DIDO1: variants seen among roughly 807,000 people sequenced by gnomAD.
The protein encoded by DIDO1 is death inducer-obliterator 1, also known as death-inducer obliterator 1.
DIDO1 carries 16 observed loss-of-function variants against 99.4 expected under a neutral mutation model. The observed-to-expected ratio is 0.16, with a 90% CI of 0.11 to 0.24. The LOEUF (loss-of-function observed/expected upper bound fraction) is 0.24, where lower values mean the gene tolerates loss of function less well. Among genes scored for constraint, DIDO1 ranks in the 10% least tolerant of loss-of-function variants. The probability of loss-of-function intolerance (pLI) is 1.00; values close to 1 mark genes in which losing one functional copy is unlikely to be tolerated. For missense variants in DIDO1, 2,996 were observed against 3,014.0 expected (o/e 0.99, Z 0.14); for synonymous variants, 1,366 against 1,239.1 (o/e 1.10, Z -2.15).
At chr20:62,926,005 G>A (rs1020362511) in intron 1 of DIDO1, among the ~76,000 whole-genome samples, 1 of 152,070 alleles carries the variant, frequency 6.6e-6, no homozygotes, top group Non-Finnish European at 1.5e-5. Flanking sequence ...AAGCGCCGAG[G>A]TCCCCGAGAA....
At chr20:62,899,697 C>A (rs568138430) in intron 6 of DIDO1, among the ~76,000 whole-genome samples, 1 of 152,222 alleles carries the variant, frequency 6.6e-6, no homozygotes, top group Non-Finnish European at 1.5e-5. Flanking sequence ...CCTTTGTCAT[C>A]CCTCATCTGT....
intron 1 of DIDO1, among the ~76,000 whole-genome samples, chr20:62,918,420 CCA>C (rs1447968180): frequency 6.6e-6 from 1 of 152,234 alleles, no homozygotes; most frequent in Non-Finnish European, 1.5e-5. Flanking sequence ...CTGGCGTGAG[CCA>C]CAGTGCCCAG....
chr20:62,891,181 CAT>C (rs2147387734), intron 14 of DIDO1, 26 bp from the exon 15 acceptor site: 1 of 1,612,562 alleles, frequency 6.2e-7, no homozygotes, highest in South Asian at 1.1e-5. Flanking sequence ...GGGAAGCACT[CAT>C]AAAGAAAATG....
intron 15 of DIDO1, 86 bp downstream of exon 15, chr20:62,890,874 T>C: frequency 6.2e-7 from 1 of 1,609,680 alleles, no homozygotes; most frequent in Non-Finnish European, 8.5e-7. Flanking sequence ...AGCCCTGGGC[T>C]GGTCAGGACT....
At chr20:62,917,736 AG>A (rs1478863614) in intron 1 of DIDO1, among the ~76,000 whole-genome samples, 5 of 152,226 alleles carry the variant, frequency 3.3e-5, no homozygotes, top group Non-Finnish European at 7.3e-5. Flanking sequence ...CTGCATCATC[AG>A]GGACATTATT....
At chr20:62,892,707 TCTC>T in intron 13 of DIDO1, 99 bp downstream of exon 13, 1 of 1,420,900 alleles carries the variant, frequency 7.0e-7, no homozygotes, top group Non-Finnish European at 9.4e-7. Flanking sequence ...TTTCTGTTTC[TCTC>T]CTACCTCATG....
rs1015453974 is a variant in DIDO1 at position 62,891,074 on chromosome 20, G to A, written c.3427C>T (p.Arg1143Cys). The A allele has an allele frequency of 4.3e-6, 7 of 1,614,038 alleles. No individual in the cohort carries two copies. The highest frequency in any genetic ancestry group is 5.9e-6 in the Non-Finnish European group (7 of 1,180,046). ...YISLYSYFSS[R>C]GRFGVVANNN... ...TTAGCTACAACACCAAAGCGGCCAC[G>A]GCTGCTGAAATAGGAGTAGAGAGAG... Residue 1143 changes from arginine to cysteine, a missense_variant, in exon 15 of 16, where the codon CGT becomes TGT. By Grantham distance (180) the Arg-to-Cys change is radical. This residue lies in a region of DIDO1 where 135 missense variants were observed against 202.3 expected (regional missense o/e 0.67). Coordinates refer to ENST00000395343, the MANE Select transcript of DIDO1 (RefSeq NM_001193369.2).
chr20:62,916,544 T>C (rs1376979746), intron 1 of DIDO1, among the ~76,000 whole-genome samples: 3 of 152,202 alleles, frequency 2.0e-5, no homozygotes, highest in African/African-American at 7.2e-5. Context: ...ATAAACCTAT[T>C]AATACATTAA....
chr20:62,884,412 TG>T (rs1364289556), intron 15 of DIDO1, among the ~76,000 whole-genome samples: 6 of 152,194 alleles, frequency 3.9e-5, no homozygotes, highest in Non-Finnish European at 8.8e-5. Flanking sequence ...CGTAACACTA[TG>T]TGAGATTAAA....
intron 6 of DIDO1, among the ~76,000 whole-genome samples, chr20:62,897,837 G>A (rs1218984762): frequency 6.6e-6 from 1 of 152,214 alleles, no homozygotes; most frequent in Non-Finnish European, 1.5e-5. Context: ...AGATGGCCAG[G>A]GGACAGGGCT....
In DIDO1 at chr20:62,882,249, T is replaced by G; in HGVS notation, c.3707A>C (p.Gln1236Pro). ...PAYPKVATVP[Q>P]SEKKPSKYPL... ...ATACTTGGAGGGCTTCTTTTCCGAC[T>G]GCGGGACTGTGGCTACTTTTGGATA... Residue 1236 changes from glutamine to proline, a missense_variant, in exon 16 of 16, where the codon CAG (glutamine) becomes CCG (proline). Coordinates refer to ENST00000395343, the MANE Select transcript of DIDO1 (RefSeq NM_001193369.2). 6.2e-7 allele frequency: 1 copy of G among 1,613,998 alleles called. No homozygotes were observed. The highest frequency in any genetic ancestry group is 8.5e-7 in the Non-Finnish European group (1 of 1,180,028).
At chr20:62,932,691 G>T (rs1350590556) in intron 1 of DIDO1, among the ~76,000 whole-genome samples, 3 of 152,146 alleles carry the variant, frequency 2.0e-5, no homozygotes, top group Non-Finnish European at 2.9e-5. Flanking sequence ...CTCAACCTCA[G>T]CAGGAGTTAA....
chr20:62,922,107 T>C (rs937905561), intron 1 of DIDO1, among the ~76,000 whole-genome samples: 2,129 of 66,198 alleles, frequency 0.032, 59 homozygotes, highest in African/African-American at 0.11. Flanking sequence ...ACACTATATA[T>C]ATACACACAC....
At position 62,878,374 on chromosome 20, in the gene DIDO1, CTT is replaced by C. The variant is rs1449516180; in HGVS notation, c.*857_*858del. On this transcript the variant is annotated 3_prime_UTR_variant, in exon 16 of 16. Coordinates refer to ENST00000395343, the MANE Select transcript of DIDO1 (RefSeq NM_001193369.2). ...GTCTTGTTCCACGTTCAAGGACAAA[CTT>C]TTACATGTATCGTCTGACAAATACC... The C allele has an allele frequency of 1.3e-5, 2 of 152,174 alleles. No individual in the cohort carries two copies. The highest frequency in any genetic ancestry group is 2.9e-5 in the Non-Finnish European group (2 of 68,038). 9.4% of individuals were successfully genotyped at this position (152,174 alleles called of 1,614,324 possible).
Position 62,894,758 on chromosome 20 carries a change from T to A in DIDO1, c.2436+52A>T. On this transcript the variant is annotated intron_variant, in intron 10 of 15. Transcript: ENST00000395343. This position sits in a 1 kb window ranked among gnomAD's most constrained non-coding sequence, Gnocchi z 4.4. Reference sequence around the variant, plus strand: ...ATAATTTAAGATAACCTCAAAACATTTGGGATGGATTAGTCTATTCTCGGT... The same window carrying A: ...ATAATTTAAGATAACCTCAAAACATATGGGATGGATTAGTCTATTCTCGGT... The A allele has an allele frequency of 3.8e-6, 6 of 1,559,914 alleles. No individual in the cohort carries two copies. The highest frequency in any genetic ancestry group is 4.4e-6 in the Non-Finnish European group (5 of 1,146,514).
At position 62,879,440 on chromosome 20, in the gene DIDO1, G is replaced by A. The variant is rs1339057247; in HGVS notation, c.6516C>T (p.Ser2172=). The change falls in exon 16 of 16, where the codon AGC becomes AGT. Residue 2172 remains serine, a synonymous_variant. Coordinates refer to ENST00000395343, the MANE Select transcript of DIDO1 (RefSeq NM_001193369.2). The surrounding 1 kb of genome is among the most constrained non-coding windows in gnomAD (Gnocchi z 6.3). ...EADRGKEWDR[S]RERSRNRERE... Reference sequence around the variant, plus strand: ...GCTCTCGGTTCCTGCTCCGCTCCCGGCTGCGGTCCCACTCCTTGCCCCGGT... The same window carrying A: ...GCTCTCGGTTCCTGCTCCGCTCCCGACTGCGGTCCCACTCCTTGCCCCGGT... 1.3e-6 allele frequency: 2 copies of A among 1,550,336 alleles called. No homozygotes were observed. The highest frequency in any genetic ancestry group is 1.9e-5 in the Admixed American group (1 of 52,174).
In DIDO1 at chr20:62,915,968, C is replaced by T. The variant is rs140985078; in HGVS notation, c.-199-1562G>A. On this transcript the variant is annotated intron_variant, in intron 1 of 15. Coordinates refer to ENST00000395343, the MANE Select transcript of DIDO1 (RefSeq NM_001193369.2). ...TAGAATTCAATGAAGGATATACCTTCGGAAAAGATCAGATCACTTTATATT... is the reference window on the plus strand; with the variant it reads ...TAGAATTCAATGAAGGATATACCTTTGGAAAAGATCAGATCACTTTATATT... Among the ~76,000 whole-genome samples, 3 of 152,206 alleles carry T rather than the reference C, an allele frequency of 2.0e-5. No individual in the cohort carries two copies. In the East Asian group the frequency reaches 5.8e-4, roughly 29 times the overall value.
In DIDO1 at chr20:62,894,532, G is replaced by A; in HGVS notation, c.2453C>T (p.Ala818Val). 6.2e-7 allele frequency: 1 copy of A among 1,609,340 alleles called. No individual in the cohort carries two copies. The highest frequency in any genetic ancestry group is 8.5e-7 in the Non-Finnish European group (1 of 1,178,894). ...VSDSEEQQES[A>V]RAVPEKSTAP... ...TGTGCTCTTCTCAGGGACAGCACGTGCTGACTCTTGCTGTTCCTAAAAAAG... is the reference window on the plus strand; with the variant it reads ...TGTGCTCTTCTCAGGGACAGCACGTACTGACTCTTGCTGTTCCTAAAAAAG... Residue 818 changes from alanine (A) to valine (V), a missense_variant, in exon 11 of 16, where the codon GCA (alanine) becomes GTA (valine). This residue lies in a region of DIDO1 where 898 missense variants were observed against 972.7 expected (regional missense o/e 0.92). Coordinates refer to ENST00000395343, the MANE Select transcript of DIDO1 (RefSeq NM_001193369.2). This position sits in a 1 kb window ranked among gnomAD's most constrained non-coding sequence, Gnocchi z 4.4.
chr20:62,880,981 G>A lies in DIDO1; in HGVS notation c.4975C>T (p.Leu1659=). ...DSSARPARRV[L]LPTPPCGALQ... is the part of the protein sequence containing the mutation. ...GCGCCGCAAGGCGGTGTGGGCAGCA[G>A]CACCCTCCGGGCAGGCCTGGCCGAG... The change falls in exon 16 of 16, where the codon CTG becomes TTG. Residue 1659 remains leucine (L), a synonymous_variant. Coordinates refer to ENST00000395343, the MANE Select transcript of DIDO1 (RefSeq NM_001193369.2). 6.2e-7 allele frequency: 1 copy of A among 1,605,838 alleles called. No individual in the cohort carries two copies.
Sources: allele counts gnomAD v4.1 joint callset (sites outside exome capture counted in the v4.1 genomes callset), GRCh38; gene constraint gnomAD v4.1.1; regional missense constraint gnomAD v4.1.1; non-coding constraint Gnocchi (gnomAD v3.1); transcripts MANE v1.5; gene names NCBI Gene and HGNC (gene_info 2026-07-23, HGNC 2026-07-21).